UBN2: variants seen among roughly 807,000 people sequenced by gnomAD.
UBN2 encodes ubinuclein-2.
In UBN2, 35 loss-of-function variants were observed where a neutral mutation model predicts 120.2. The observed-to-expected ratio is 0.29, with a 90% confidence interval of 0.22 to 0.39. The LOEUF is 0.39. UBN2 is among the 10% of genes least tolerant of loss of function. UBN2 has a pLI of 1.00. For missense variants in UBN2, 1,693 were observed against 1,663.2 expected, an observed-to-expected ratio of 1.02 and a Z score of -0.31; for synonymous variants, 661 against 648.7, an observed-to-expected ratio of 1.02 and a Z score of -0.29.
downstream of UBN2, among the ~76,000 whole-genome samples, chr7:139,311,010 G>C (rs377472739): frequency 1.8e-4 from 28 of 152,286 alleles, no homozygotes; most frequent in South Asian, 1.2e-3. Flanking sequence ...TCAAAAGTTT[G>C]CTTTGCCATG....
At chr7:139,259,176 T>G in intron 4 of UBN2, 91 bp from the exon 5 acceptor site, 7 of 1,527,138 alleles carry the variant, frequency 4.6e-6, no homozygotes, top group African/African-American at 1.4e-5. Context: ...CACTGACATT[T>G]GAGAAAAACC....
At chr7:139,319,666 C>T in the UBN2 span, among the ~76,000 whole-genome samples, 5 of 152,194 alleles carry the variant, frequency 3.3e-5, no homozygotes, top group African/African-American at 7.2e-5. Context: ...GCAAACAACA[C>T]GTTCCTGCTC....
Position 139,231,347 on chromosome 7 carries a change from C to T in UBN2, c.-138C>T, listed in dbSNP as rs1054464813. ...GGAAGGGGACACGGTCCGCACTCAC[C>T]GTGGCGCCGGCGGAGACGGCTGAGG... On this transcript the variant is annotated 5_prime_UTR_variant, in exon 1 of 18. Transcript: ENST00000473989. 15 of 691,798 alleles carry T rather than the reference C, an allele frequency of 2.2e-5. No individual in the cohort carries two copies. Among genetic ancestry groups the T allele is most frequent in the African/African-American group, 5.6e-5 (3 of 53,620 alleles). The allele number at this position is 691,798 out of a possible 1,614,324, so 42.9% of individuals were successfully genotyped here.
chr7:139,272,270 A>G lies in UBN2; in HGVS notation c.1597-52A>G, dbSNP rs1331523124. On this transcript the variant is annotated intron_variant, in intron 8 of 17. Coordinates refer to ENST00000473989, the MANE Select transcript of UBN2 (RefSeq NM_173569.4). ...TTTTATCTTTTGAGGACCTGCTTAC[A>G]AGATTTCGTAAATATGTCTGATAAA... 5.7e-6 allele frequency: 8 copies of G among 1,392,138 alleles called. No homozygotes were observed. The Admixed American group carries it at 1.6e-4, about 28-fold the overall frequency. The allele number at this position is 1,392,138 out of a possible 1,614,324, so 86.2% of individuals were successfully genotyped here. A position where few individuals can be genotyped will look rare whatever the true frequency, so the allele number is the denominator to read the frequency against.
At chr7:139,321,603 T>C in the UBN2 span, among the ~76,000 whole-genome samples, 1 of 152,214 alleles carries the variant, frequency 6.6e-6, no homozygotes, top group South Asian at 2.1e-4. Context: ...GGAGGACTTC[T>C]GGAGCCTAAG....
intron 8 of UBN2, among the ~76,000 whole-genome samples, chr7:139,271,062 G>T (rs867555256): frequency 2.6e-4 from 40 of 152,180 alleles, no homozygotes; most frequent in Middle Eastern, 6.8e-3. Flanking sequence ...GATTACAGGC[G>T]TGAGCCACTG....
At chr7:139,261,948 C>CTTT (rs72000087) in intron 6 of UBN2, among the ~76,000 whole-genome samples, 10 of 131,940 alleles carry the variant, frequency 7.6e-5, no homozygotes, top group Admixed American at 3.0e-4. Context: ...TTCTTTCTTT[C>CTTT]TTTTTTTTTT....
chr7:139,305,464 C>G lies in UBN2; in HGVS notation c.*7628C>G, dbSNP rs1176526999. 1 of 152,168 alleles carries G rather than the reference C, an allele frequency of 6.6e-6. No homozygotes were observed. The highest frequency in any genetic ancestry group is 2.4e-5 in the African/African-American group (1 of 41,434). 9.4% of individuals were successfully genotyped at this position (152,168 alleles called of 1,614,324 possible). On this transcript the variant is annotated 3_prime_UTR_variant, in exon 18 of 18. Coordinates refer to ENST00000473989, the MANE Select transcript of UBN2 (RefSeq NM_173569.4). The stretch of plus-strand genomic sequence containing the variant: ...GACTCTCAGGATTTTAATCAGACTG[C>G]CTTTGAATAATGTGATATTAAATTT...
At chr7:139,292,854 C>G (rs1188640408) in intron 15 of UBN2, among the ~76,000 whole-genome samples, 1 of 152,092 alleles carries the variant, frequency 6.6e-6, no homozygotes, top group East Asian at 1.9e-4. Context: ...AAGAAGGACC[C>G]TGAAAGCAGC....
intron 7 of UBN2, 115 bp downstream of exon 7, chr7:139,266,518 C>A: frequency 3.6e-6 from 2 of 554,876 alleles, no homozygotes; most frequent in South Asian, 2.5e-5. Flanking sequence ...TCCCCTTAAG[C>A]CTTACAGCAT....
the UBN2 span, among the ~76,000 whole-genome samples, chr7:139,320,314 T>A: frequency 6.6e-6 from 1 of 150,880 alleles, no homozygotes; most frequent in Non-Finnish European, 1.5e-5. Flanking sequence ...ATACAAAAAT[T>A]AGCCCGGCGT....
At chr7:139,270,282 T>G (rs1046810942) in intron 8 of UBN2, among the ~76,000 whole-genome samples, 1 of 150,644 alleles carries the variant, frequency 6.6e-6, no homozygotes, top group African/African-American at 2.4e-5. Context: ...TTTTTTTTTT[T>G]TTTTTTTGTG....
At chr7:139,235,919 A>C (rs1796152161) in intron 1 of UBN2, among the ~76,000 whole-genome samples, 1 of 152,166 alleles carries the variant, frequency 6.6e-6, no homozygotes, top group African/African-American at 2.4e-5. Flanking sequence ...ATCCAGGATG[A>C]AGTGTCTCAG....
downstream of UBN2, among the ~76,000 whole-genome samples, chr7:139,309,277 T>A (rs1798415687): frequency 6.6e-6 from 1 of 152,186 alleles, no homozygotes; most frequent in African/African-American, 2.4e-5. Flanking sequence ...ATTTTTTCCT[T>A]TTAAGTGTAT....
intron 3 of UBN2, among the ~76,000 whole-genome samples, chr7:139,252,577 T>G (rs2130961591): frequency 6.6e-6 from 1 of 152,332 alleles, no homozygotes; most frequent in East Asian, 1.9e-4. Flanking sequence ...TGCAAGCTGT[T>G]TGAAAACAAG....
In UBN2 at chr7:139,305,499, C is replaced by T. The variant is rs1446488497; in HGVS notation, c.*7663C>T. The T allele has an allele frequency of 2.6e-5, 4 of 152,198 alleles. No homozygotes were observed. Among genetic ancestry groups the T allele is most frequent in the African/African-American group, 9.7e-5 (4 of 41,438 alleles). 9.4% of individuals were successfully genotyped at this position (152,198 alleles called of 1,614,324 possible). ...ATGTGATATTAAATTTTATTTTTCT[C>T]ATAGACTCTCAAAGTACCACTTGCT... On this transcript the variant is annotated 3_prime_UTR_variant, in exon 18 of 18. Coordinates refer to ENST00000473989, the MANE Select transcript of UBN2 (RefSeq NM_173569.4).
chr7:139,250,301 C>A (rs1235165083), intron 2 of UBN2, among the ~76,000 whole-genome samples: 1 of 151,992 alleles, frequency 6.6e-6, no homozygotes, highest in Non-Finnish European at 1.5e-5. Flanking sequence ...GGTACCATCT[C>A]GGCTCACTGC....
At position 139,269,609 on chromosome 7, in the gene UBN2, T is replaced by C. The variant is rs149919251; in HGVS notation, c.1596+86T>C. 2,750 of 1,410,166 alleles carry C rather than the reference T, an allele frequency of 2.0e-3. 11 individuals are homozygous for C. The highest frequency in any genetic ancestry group is 0.012 in the Middle Eastern group (67 of 5,390). The allele number at this position is 1,410,166 out of a possible 1,614,324, so 87.4% of individuals were successfully genotyped here. A position where few individuals can be genotyped will look rare whatever the true frequency, so the allele number is the denominator to read the frequency against. ...TCTGTTTGGGGCCTTTGCACATTAATTGATTTATAGTCATATTGTATGTAT... is the reference window on the plus strand; with the variant it reads ...TCTGTTTGGGGCCTTTGCACATTAACTGATTTATAGTCATATTGTATGTAT... On this transcript the variant is annotated intron_variant, in intron 8 of 17. Transcript: ENST00000473989.
chr7:139,306,086 A>G lies in UBN2; in HGVS notation c.*8250A>G, dbSNP rs141292166. ...ATAACAGAGCACTAATGGAAACCTA[A>G]TAAATACAAACAAGATAACTATTAC... is the stretch of plus-strand genomic sequence containing the variant. On this transcript the variant is annotated 3_prime_UTR_variant, in exon 18 of 18. Coordinates refer to ENST00000473989, the MANE Select transcript of UBN2 (RefSeq NM_173569.4). 9.8e-5 allele frequency: 15 copies of G among 152,346 alleles called. No homozygotes were observed. The highest frequency in any genetic ancestry group is 3.4e-4 in the African/African-American group (14 of 41,580). The allele number at this position is 152,346 out of a possible 1,614,324, so 9.4% of individuals were successfully genotyped here.
Sources: allele counts gnomAD v4.1 joint callset (sites outside exome capture counted in the v4.1 genomes callset), GRCh38; gene constraint gnomAD v4.1.1; transcripts MANE v1.5; gene names NCBI Gene and HGNC (gene_info 2026-07-23, HGNC 2026-07-21).